The following MTMR8 variants were observed in gnomAD, a reference collection of about 807,000 sequenced individuals.
The protein encoded by MTMR8 is phosphatidylinositol-3,5-bisphosphate 3-phosphatase MTMR8.
Under a neutral mutation model 39.3 loss-of-function variants are expected in MTMR8, and 65 were observed. The ratio of observed to expected loss-of-function variants is 1.65; its 90% CI spans 1.35 to 2.03. The LOEUF is 2.03. Ranked by LOEUF, MTMR8 falls within the 30% of genes most tolerant of loss-of-function variation. MTMR8 has a pLI of 0.00. For missense variants in MTMR8, 777 were observed against 538.9 expected (o/e 1.44, Z -4.37); for synonymous variants, 245 against 185.2 (o/e 1.32, Z -2.62).
chrX:64,280,270 C>T (rs1363194379), intron 12 of MTMR8, among the ~76,000 whole-genome samples: 1 of 111,846 alleles, frequency 8.9e-6, no homozygotes, highest in Non-Finnish European at 1.9e-5. Flanking sequence ...GGCCAATATC[C>T]CTGATGAACA....
At position 64,356,318 on chromosome X, in the gene MTMR8, G is replaced by A. The variant is rs771170870; in HGVS notation, c.168C>T (p.Ala56=). ...KETWIALHHI[A]TVEKLPITSL... ...TAGTGATGGGTAACTTCTCCACAGT[G>A]GCAATGTGATGGAGTGCAATCTGAA... Residue 56 remains alanine (A), a synonymous_variant, in exon 3 of 14, where the codon GCC becomes GCT. Transcript: ENST00000374852. 8.3e-7 allele frequency: 1 copy of A among 1,205,617 alleles called. No homozygotes were observed. Among genetic ancestry groups the A allele is most frequent in the African/African-American group, 1.7e-5 (1 of 57,348 alleles).
At chrX:64,314,128 G>T (rs1375820262) in intron 12 of MTMR8, among the ~76,000 whole-genome samples, 1 of 112,506 alleles carries the variant, frequency 8.9e-6, no homozygotes, top group African/African-American at 3.2e-5. Context: ...TTGGCTCCTT[G>T]AAATTATGAA....
chrX:64,280,204 C>T (rs985138635), intron 12 of MTMR8, among the ~76,000 whole-genome samples: 8 of 111,797 alleles, frequency 7.2e-5, no homozygotes, highest in African/African-American at 2.6e-4. Context: ...TTTATGAGGC[C>T]AGCATCATCC....
At chrX:64,324,775 C>T (rs951827663) in intron 12 of MTMR8, among the ~76,000 whole-genome samples, 16 of 98,997 alleles carry the variant, frequency 1.6e-4, no homozygotes, top group Admixed American at 2.3e-4. Flanking sequence ...GGACTCAGCC[C>T]GCCTGCACCC....
chrX:64,373,956 T>C (rs908647198), intron 1 of MTMR8, among the ~76,000 whole-genome samples: 5 of 111,837 alleles, frequency 4.5e-5, no homozygotes, highest in African/African-American at 1.6e-4. Context: ...CAGCCAGATA[T>C]CTTGATGTTC....
intron 12 of MTMR8, among the ~76,000 whole-genome samples, chrX:64,312,666 A>G (rs1363462760): frequency 8.9e-6 from 1 of 112,646 alleles, no homozygotes; most frequent in Non-Finnish European, 1.9e-5. Flanking sequence ...TGGCCCATGT[A>G]CATTGGAGCA....
intron 12 of MTMR8, among the ~76,000 whole-genome samples, chrX:64,302,529 C>A (rs764767169): frequency 8.9e-6 from 1 of 112,023 alleles, no homozygotes; most frequent in African/African-American, 3.2e-5. Flanking sequence ...CCGTCTTATG[C>A]GTCGCTCACG....
At chrX:64,335,437 T>C (rs1923049415) in intron 10 of MTMR8, among the ~76,000 whole-genome samples, 1 of 112,210 alleles carries the variant, frequency 8.9e-6, no homozygotes, top group African/African-American at 3.2e-5. Context: ...CGGCCAAATC[T>C]CAAATTTTAT....
In MTMR8 at chrX:64,334,586, A is replaced by AG. The variant is rs1369398329; in HGVS notation, c.1151+1492_1151+1493insC. Among the ~76,000 whole-genome samples the AG allele has an allele frequency of 1.7e-3, 177 of 105,181 alleles. 1 individual carries two copies. The highest frequency in any genetic ancestry group is 5.9e-3 in the African/African-American group (168 of 28,254). The allele number at this position is 105,181 out of a possible 115,157, so 91.3% of individuals were successfully genotyped here. On this transcript the variant is annotated intron_variant, in intron 10 of 13. Coordinates refer to ENST00000374852, the MANE Select transcript of MTMR8 (RefSeq NM_017677.4). ...CTTTCAGCTTAAAAAAAAAAAAAAA[A>AG]AAAAAAAAACAGGGCTCTGAATGAT... is the stretch of plus-strand genomic sequence containing the variant.
intron 8 of MTMR8, among the ~76,000 whole-genome samples, chrX:64,340,440 T>C (rs772335040): frequency 9.9e-5 from 11 of 110,763 alleles, no homozygotes; most frequent in Non-Finnish European, 1.9e-4. Context: ...CTAGAAGGTA[T>C]AGAGGATGGT....
At chrX:64,278,847 G>A (rs1361553601) in intron 12 of MTMR8, among the ~76,000 whole-genome samples, 1 of 111,275 alleles carries the variant, frequency 9.0e-6, no homozygotes, top group Non-Finnish European at 1.9e-5. Flanking sequence ...GTGTGCTGGA[G>A]TTTGCTGGAT....
chrX:64,322,103 G>C (rs1480783917), intron 12 of MTMR8, among the ~76,000 whole-genome samples: 1 of 108,753 alleles, frequency 9.2e-6, no homozygotes, highest in Non-Finnish European at 1.9e-5. Context: ...GAGTGCAGTG[G>C]TGCAACCATG....
intron 1 of MTMR8, among the ~76,000 whole-genome samples, chrX:64,380,173 G>A (rs1456160542): frequency 8.9e-6 from 1 of 112,445 alleles, no homozygotes; most frequent in Non-Finnish European, 1.9e-5. Context: ...TGCCACTGAG[G>A]TTATTACAAA....
chrX:64,279,543 G>A (rs757916507), intron 12 of MTMR8, among the ~76,000 whole-genome samples: 75 of 112,074 alleles, frequency 6.7e-4, no homozygotes, highest in South Asian at 3.7e-3. Flanking sequence ...ATATTGTTAC[G>A]ATGTCAATAC....
At chrX:64,341,447 C>T (rs1923215034) in intron 8 of MTMR8, among the ~76,000 whole-genome samples, 1 of 100,164 alleles carries the variant, frequency 1.0e-5, no homozygotes, top group Admixed American at 1.1e-4. Context: ...CCACTGCACT[C>T]CAGCCTGGGC....
rs749924587 is a variant in MTMR8, at chrX:64,372,172, CAA to C, written c.25-12647_25-12646del. On this transcript the variant is annotated intron_variant, in intron 1 of 13. Coordinates refer to ENST00000374852, the MANE Select transcript of MTMR8 (RefSeq NM_017677.4). ...ATAATTATAGATTCATAGGAAATTG[CAA>C]AAAAAAAAAAATTACAGGAAGTTCC... is the stretch of plus-strand genomic sequence containing the variant. Among the ~76,000 whole-genome samples the C allele has an allele frequency of 7.4e-5, 7 of 94,821 alleles. No homozygotes were observed. In the East Asian group the frequency reaches 2.3e-3, roughly 31 times the overall value. 82.3% of individuals were successfully genotyped at this position (94,821 alleles called of 115,157 possible).
At chrX:64,363,945 C>A (rs903683869) in intron 1 of MTMR8, among the ~76,000 whole-genome samples, 15 of 112,577 alleles carry the variant, frequency 1.3e-4, no homozygotes, top group South Asian at 3.6e-4. Flanking sequence ...TATCCCGTGC[C>A]TAGCTCAGTG....
chrX:64,307,124 T>A (rs891701338), intron 12 of MTMR8, among the ~76,000 whole-genome samples: 2 of 112,356 alleles, frequency 1.8e-5, no homozygotes, highest in Non-Finnish European at 3.8e-5. Flanking sequence ...TTGCTTTTAC[T>A]ATTACGTGTT....
At position 64,384,898 on chromosome X, in the gene MTMR8, G is replaced by T. The variant is rs1924518788; in HGVS notation, c.24+10442C>A. 2.7e-5 allele frequency among the ~76,000 whole-genome samples: 3 copies of T among 112,518 alleles called. No homozygotes were observed. The South Asian group carries it at 1.1e-3, about 41-fold the overall frequency. On this transcript the variant is annotated intron_variant, in intron 1 of 13. Transcript: ENST00000374852. ...TTAGTTATGCAAATTTATCCAGCAAGTGGTTGCTCAGGAACCCATTTGAAT... is the reference window on the plus strand; with the variant it reads ...TTAGTTATGCAAATTTATCCAGCAATTGGTTGCTCAGGAACCCATTTGAAT...
Sources: allele counts gnomAD v4.1 joint callset (sites outside exome capture counted in the v4.1 genomes callset), GRCh38; gene constraint gnomAD v4.1.1; transcripts MANE v1.5; gene names NCBI Gene and HGNC (gene_info 2026-07-23, HGNC 2026-07-21).